The following TRAK1 variants were observed in gnomAD, a reference collection of about 807,000 sequenced individuals.
TRAK1 encodes trafficking kinesin-binding protein 1.
A neutral mutation model predicts 92.1 loss-of-function variants in TRAK1; 33 were observed. That is an observed-to-expected ratio of 0.36 (90% CI 0.27 to 0.48). The LOEUF (loss-of-function observed/expected upper bound fraction) is 0.48. Ranked by LOEUF, TRAK1 falls within the 20% of genes least tolerant of loss-of-function variation. The pLI is 0.99. For synonymous variants in TRAK1, 521 were observed against 517.3 expected (o/e 1.01, Z -0.10); for missense variants, 1,123 against 1,257.9 (o/e 0.89, Z 1.62).
chr3:42,081,494 C>G (rs930632872), intron 1 of TRAK1, among the ~76,000 whole-genome samples: 2 of 152,146 alleles, frequency 1.3e-5, no homozygotes, highest in Admixed American at 1.3e-4. Context: ...TAATATGTGC[C>G]AACACCGGTC....
chr3:42,067,150 GA>G (rs1703716139), intron 1 of TRAK1, among the ~76,000 whole-genome samples: 2 of 152,168 alleles, frequency 1.3e-5, no homozygotes, highest in African/African-American at 4.8e-5. Context: ...TCTAGAATCT[GA>G]CTTTTAATTG....
chr3:42,172,111 C>T lies in TRAK1; in HGVS notation c.287-4703C>T, dbSNP rs185302176. ...TCCCAAGAAGAAGGACTTGATTCTC[C>T]TCTTATCTCAAAGTGGATTCTCCCA... is the stretch of plus-strand genomic sequence containing the variant. On this transcript the variant is annotated intron_variant, in intron 2 of 15. Coordinates refer to ENST00000327628, the MANE Select transcript of TRAK1 (RefSeq NM_001042646.3). Among the ~76,000 whole-genome samples the T allele has an allele frequency of 5.4e-3, 829 of 152,278 alleles. 14 individuals carry two copies. The highest frequency in any genetic ancestry group is 0.019 in the African/African-American group (788 of 41,558).
At chr3:42,138,872 A>AGG (rs201691631) in intron 2 of TRAK1, among the ~76,000 whole-genome samples, 6 of 87,072 alleles carry the variant, frequency 6.9e-5, no homozygotes, top group East Asian at 4.0e-4. Flanking sequence ...AAGAAAGCAT[A>AGG]GGGGGTGTGT....
intron 14 of TRAK1, chr3:42,219,057 C>G: frequency 1.0e-6 from 1 of 985,448 alleles, no homozygotes; most frequent in Non-Finnish European, 1.2e-6. Flanking sequence ...CTCTCCCTGC[C>G]TGTACTTCTC....
At chr3:42,042,839 C>T (rs1047169332) in intron 1 of TRAK1, among the ~76,000 whole-genome samples, 4 of 152,020 alleles carry the variant, frequency 2.6e-5, no homozygotes, top group East Asian at 3.9e-4. Context: ...CTCTCTGGGG[C>T]GGGTCATCTG....
At chr3:42,090,124 G>C (rs1465853027), upstream of TRAK1, among the ~76,000 whole-genome samples, 1 of 152,128 alleles carries the variant, frequency 6.6e-6, no homozygotes, top group South Asian at 2.1e-4. Context: ...GTACACCGAG[G>C]TTAGCACAAT....
chr3:42,022,220 C>T (rs1481836407), intron 1 of TRAK1, among the ~76,000 whole-genome samples: 2 of 152,284 alleles, frequency 1.3e-5, no homozygotes, highest in East Asian at 3.9e-4. Flanking sequence ...AATATCAAGA[C>T]ATTCCAAAGG....
At position 42,223,861 on chromosome 3, in the gene TRAK1, C is replaced by G; in HGVS notation, c.*124C>G. The G allele has an allele frequency of 8.7e-7, 1 of 1,143,636 alleles. No homozygotes were observed. The highest frequency in any genetic ancestry group is 1.2e-6 in the Non-Finnish European group (1 of 806,542). 70.8% of individuals were successfully genotyped at this position (1,143,636 alleles called of 1,614,324 possible). Reference sequence around the variant, plus strand: ...CCTTCTCTGTCCACCCCCTCCTAAGCTAGACAAATCAACCTCGTGCCTAAT... The same window carrying G: ...CCTTCTCTGTCCACCCCCTCCTAAGGTAGACAAATCAACCTCGTGCCTAAT... On this transcript the variant is annotated 3_prime_UTR_variant, in exon 16 of 16. Coordinates refer to ENST00000327628, the MANE Select transcript of TRAK1 (RefSeq NM_001042646.3). This position sits in a 1 kb window ranked among gnomAD's most constrained non-coding sequence, Gnocchi z 6.1.
intron 1 of TRAK1, among the ~76,000 whole-genome samples, chr3:42,064,674 T>C (rs1166121374): frequency 6.6e-6 from 1 of 152,242 alleles, no homozygotes; most frequent in African/African-American, 2.4e-5. Context: ...CTTCCTGATA[T>C]GAAAAGCTTT....
intron 2 of TRAK1, among the ~76,000 whole-genome samples, chr3:42,141,000 C>G (rs1288062648): frequency 6.6e-6 from 1 of 152,148 alleles, no homozygotes; most frequent in Non-Finnish European, 1.5e-5. Flanking sequence ...GGGGCCTGGG[C>G]ATGCCTGTGC....
chr3:42,133,789 C>T (rs1241224590), intron 2 of TRAK1, among the ~76,000 whole-genome samples: 1 of 152,120 alleles, frequency 6.6e-6, no homozygotes, highest in Non-Finnish European at 1.5e-5. Flanking sequence ...GTGCATAATC[C>T]TCTTTTTGTT....
In TRAK1 at chr3:42,026,889, A is replaced by G. The variant is rs117669245; in HGVS notation, c.-519+12772A>G. Among the ~76,000 whole-genome samples, 1,202 of 152,236 alleles carry G rather than the reference A, an allele frequency of 7.9e-3. 48 individuals carry two copies. The East Asian group carries it at 0.13, about 16-fold the overall frequency. On this transcript the variant is annotated intron_variant, in intron 1 of 16. Coordinates refer to the TRAK1 transcript ENST00000487159. Reference sequence around the variant, plus strand: ...CTCCTTCTCCCCTCATATTTATAGTAACCCATGTCTTAGCTTGGAGTTATA... The same window carrying G: ...CTCCTTCTCCCCTCATATTTATAGTGACCCATGTCTTAGCTTGGAGTTATA...
intron 1 of TRAK1, among the ~76,000 whole-genome samples, chr3:42,044,172 A>AT (rs1702668239): frequency 1.3e-5 from 2 of 152,054 alleles, no homozygotes; most frequent in Non-Finnish European, 2.9e-5. Flanking sequence ...TTATTTATTT[A>AT]TTTTTTGAAA....
intron 1 of TRAK1, among the ~76,000 whole-genome samples, chr3:42,016,206 T>C (rs1054390181): frequency 6.8e-6 from 1 of 147,004 alleles, no homozygotes; most frequent in Non-Finnish European, 1.5e-5. Context: ...TGGTTTTTTG[T>C]TTTTTTTTTT....
chr3:42,162,505 A>G (rs1701384914), intron 2 of TRAK1, among the ~76,000 whole-genome samples: 2 of 152,290 alleles, frequency 1.3e-5, no homozygotes, highest in South Asian at 4.1e-4. Flanking sequence ...GACACCATAG[A>G]TAATGCATTT....
intron 1 of TRAK1, among the ~76,000 whole-genome samples, chr3:42,043,348 A>T: frequency 6.9e-6 from 1 of 144,300 alleles, no homozygotes; most frequent in Non-Finnish European, 1.5e-5. Flanking sequence ...CCCGACTCAC[A>T]CTCCCTCTTG....
In TRAK1 at chr3:42,219,495, G is replaced by C; in HGVS notation, c.1965G>C (p.Ala655=). The C allele has an allele frequency of 6.2e-7, 1 of 1,613,746 alleles. No individual in the cohort carries two copies. The highest frequency in any genetic ancestry group is 8.5e-7 in the Non-Finnish European group (1 of 1,179,862). Reference sequence around the variant, plus strand: ...TATGTTTTGTTCCTCCCAATTTAGCGCACCATCCTGGGAAGTGCATGTCTC... The same window carrying C: ...TATGTTTTGTTCCTCCCAATTTAGCCCACCATCCTGGGAAGTGCATGTCTC... ...STPVQHPETS[A]HHPGKCMSQT... is the part of the protein sequence containing the mutation. Residue 655 remains alanine (A), a splice_region_variant and synonymous_variant, in exon 15 of 16, where the codon GCG becomes GCC. Transcript: ENST00000327628.
chr3:42,033,107 G>A (rs761321905), intron 1 of TRAK1, among the ~76,000 whole-genome samples: 2 of 152,122 alleles, frequency 1.3e-5, no homozygotes, highest in African/African-American at 4.8e-5. Flanking sequence ...TTTTTAATGG[G>A]CTCTGGGTAA....
chr3:42,206,780 G>A (rs60089164), intron 13 of TRAK1, among the ~76,000 whole-genome samples: 10,529 of 152,272 alleles, frequency 0.069, 376 homozygotes, highest in Non-Finnish European at 0.079. Flanking sequence ...TGGCTGTGGA[G>A]TGTCAGAGAA....
Sources: gnomAD v4.1 joint callset for allele counts (sites outside exome capture counted in the v4.1 genomes callset) on GRCh38, gnomAD v4.1.1 for gene constraint, Gnocchi (gnomAD v3.1) non-coding constraint, MANE v1.5 for transcripts, NCBI Gene and HGNC (gene_info 2026-07-23, HGNC 2026-07-21) for gene names.